Variants in CCDC47 observed in about 807,000 individuals in gnomAD.
CCDC47 encodes coiled-coil domain containing 47.
In CCDC47, 41 loss-of-function variants were observed where a neutral mutation model predicts 60.5. The ratio of observed to expected loss-of-function variants is 0.68; its 90% CI spans 0.53 to 0.88. The LOEUF (loss-of-function observed/expected upper bound fraction) is 0.88. Ranked by LOEUF, CCDC47 falls within the 40% of genes least tolerant of loss-of-function variation. The probability of loss-of-function intolerance (pLI) is 0.00; values close to 1 mark genes in which losing one functional copy is unlikely to be tolerated. For synonymous variants in CCDC47, 195 were observed against 190.7 expected, an observed-to-expected ratio of 1.02 and a Z score of -0.18; for missense variants, 513 against 580.9, an observed-to-expected ratio of 0.88 and a Z score of 1.20.
At chr17:63,749,632 C>G (rs1308999233) in intron 12 of CCDC47, among the ~76,000 whole-genome samples, 1 of 151,668 alleles carries the variant, frequency 6.6e-6, no homozygotes, top group African/African-American at 2.4e-5. Context: ...GCCTGTAGTC[C>G]CAGCTACTAG....
intron 1 of CCDC47, among the ~76,000 whole-genome samples, chr17:63,767,784 C>T (rs758858640): frequency 5.3e-4 from 80 of 152,276 alleles, no homozygotes; most frequent in Admixed American, 5.9e-4. Flanking sequence ...CTGACCCAAT[C>T]CCTGCCTATA....
At chr17:63,768,195 T>C (rs777297161) in intron 1 of CCDC47, among the ~76,000 whole-genome samples, 12 of 152,214 alleles carry the variant, frequency 7.9e-5, no homozygotes, top group Admixed American at 4.6e-4. Flanking sequence ...GATCCTACTG[T>C]AATTAAATGT....
intron 6 of CCDC47, among the ~76,000 whole-genome samples, chr17:63,760,139 A>G (rs929400062): frequency 6.6e-6 from 1 of 152,148 alleles, no homozygotes; most frequent in Admixed American, 6.5e-5. Flanking sequence ...GCAGATAAAC[A>G]TATTGATTTA....
intron 7 of CCDC47, 50 bp from the exon 8 acceptor site, chr17:63,756,400 G>T: frequency 6.3e-7 from 1 of 1,580,024 alleles, no homozygotes; most frequent in Non-Finnish European, 8.7e-7. Flanking sequence ...ATTATGCAAT[G>T]AAGCTGAATA....
intron 6 of CCDC47, among the ~76,000 whole-genome samples, chr17:63,758,086 C>T (rs554022722): frequency 1.3e-5 from 2 of 152,282 alleles, no homozygotes; most frequent in African/African-American, 4.8e-5. Flanking sequence ...AAGCTCCGAA[C>T]GACTCCCAAC....
intron 6 of CCDC47, among the ~76,000 whole-genome samples, chr17:63,757,566 C>T (rs187221917): frequency 2.6e-5 from 4 of 152,116 alleles, no homozygotes; most frequent in East Asian, 3.9e-4. Flanking sequence ...CCTGCAGAAA[C>T]GGTAACATAA....
intron 6 of CCDC47, among the ~76,000 whole-genome samples, chr17:63,758,020 C>T (rs1049986482): frequency 2.0e-5 from 3 of 152,086 alleles, no homozygotes; most frequent in Non-Finnish European, 4.4e-5. Context: ...AGAGAGCTTC[C>T]AAGCTGGTGA....
Position 63,766,105 on chromosome 17 carries a change from T to A in CCDC47, c.71A>T (p.Asp24Val). ...FGSVSEAKFDDFEDEEDIVEY... is the reference protein window; with the variant it reads ...FGSVSEAKFDVFEDEEDIVEY... The stretch of plus-strand genomic sequence containing the variant: ...TACTATGTCCTCCTCATCCTCAAAA[T>A]CATCAAACTTGGCTTCAGAGACACT... Residue 24 changes from aspartate (D) to valine (V), a missense_variant, in exon 2 of 13, where the codon GAT (aspartate) becomes GTT (valine). Transcript: ENST00000225726. 2 of 1,613,734 alleles carry A rather than the reference T, an allele frequency of 1.2e-6. No individual in the cohort carries two copies. The highest frequency in any genetic ancestry group is 1.7e-6 in the Non-Finnish European group (2 of 1,179,942).
intron 8 of CCDC47, 69 bp downstream of exon 8, chr17:63,756,171 T>C: frequency 9.9e-7 from 1 of 1,005,394 alleles, no homozygotes; most frequent in Non-Finnish European, 1.6e-6. Flanking sequence ...ACTTGTACAA[T>C]GAGACTTTTA....
At chr17:63,755,115 A>T (rs978837879) in intron 8 of CCDC47, among the ~76,000 whole-genome samples, 1 of 151,866 alleles carries the variant, frequency 6.6e-6, no homozygotes, top group Non-Finnish European at 1.5e-5. Context: ...GGACTAAAGG[A>T]ACACACAACC....
intron 1 of CCDC47, among the ~76,000 whole-genome samples, chr17:63,772,236 G>C (rs1466293603): frequency 6.8e-6 from 1 of 147,820 alleles, no homozygotes; most frequent in African/African-American, 2.5e-5. Flanking sequence ...TATTACGGGA[G>C]ATATGTACCA....
intron 1 of CCDC47, among the ~76,000 whole-genome samples, chr17:63,771,375 T>C (rs907252689): frequency 2.6e-5 from 4 of 152,192 alleles, no homozygotes; most frequent in Admixed American, 6.5e-5. Context: ...TGAGTATCCA[T>C]GGATTTTGGT....
intron 1 of CCDC47, chr17:63,766,992 G>C (rs2039302677): frequency 1.0e-6 from 1 of 955,664 alleles, no homozygotes; most frequent in Non-Finnish European, 1.2e-6. Flanking sequence ...CTATGTGCTA[G>C]ACACTGTTCC....
In CCDC47 at chr17:63,765,946, T is replaced by C; in HGVS notation, c.230A>G (p.Asn77Ser). Residue 77 changes from asparagine (N) to serine (S), a missense_variant, in exon 2 of 13, where the codon AAC (asparagine) becomes AGC (serine). Physicochemically the swap from Asn to Ser is conservative, Grantham distance 46. Coordinates refer to ENST00000225726, the MANE Select transcript of CCDC47 (RefSeq NM_020198.3). ...TGCATCTTCAAAATCTCCTTCTTGGTTTTCATCCTGCCCTTCCAACTCCAC... is the reference window on the plus strand; with the variant it reads ...TGCATCTTCAAAATCTCCTTCTTGGCTTTCATCCTGCCCTTCCAACTCCAC... ...TTVELEGQDENQEGDFEDADT... is the reference protein window; with the variant it reads ...TTVELEGQDESQEGDFEDADT... The C allele has an allele frequency of 6.2e-7, 1 of 1,613,670 alleles. No homozygotes were observed. The highest frequency in any genetic ancestry group is 8.5e-7 in the Non-Finnish European group (1 of 1,179,832).
chr17:63,755,923 C>CA lies in CCDC47; in HGVS notation c.948+316dup, dbSNP rs59036340. Among the ~76,000 whole-genome samples the CA allele has an allele frequency of 6.6e-3, 647 of 98,328 alleles. 5 individuals carry two copies. Among genetic ancestry groups the CA allele is most frequent in the Middle Eastern group, 0.04 (7 of 174 alleles). 64.5% of individuals were successfully genotyped at this position (98,328 alleles called of 152,430 possible). A position where few individuals can be genotyped will look rare whatever the true frequency, so the allele number is the denominator to read the frequency against. ...CTCTTCTCCCACACAAACTGGAGCT[C>CA]AAAAAAAAAAAAAAAAAAGACTAAA... On this transcript the variant is annotated intron_variant, in intron 8 of 12. Transcript: ENST00000225726.
At chr17:63,755,798 A>C (rs1268435948) in intron 8 of CCDC47, among the ~76,000 whole-genome samples, 1 of 151,974 alleles carries the variant, frequency 6.6e-6, no homozygotes, top group Non-Finnish European at 1.5e-5. Flanking sequence ...TGCTGCAGTG[A>C]GATCTATCAC....
intron 1 of CCDC47, among the ~76,000 whole-genome samples, chr17:63,767,491 A>ACTTT (rs2039305679): frequency 6.6e-6 from 1 of 152,124 alleles, no homozygotes; most frequent in Non-Finnish European, 1.5e-5. Context: ...TGGGGAGACC[A>ACTTT]TTTGAGCTGA....
At position 63,766,197 on chromosome 17, in the gene CCDC47, TAAA is replaced by T. The variant is rs568139326; in HGVS notation, c.-19-6_-19-4del. 3 of 1,573,352 alleles carry T rather than the reference TAAA, an allele frequency of 1.9e-6. No homozygotes were observed. The South Asian group carries it at 3.5e-5, about 19-fold the overall frequency. ...TCATTGCACCTTGAGAAAAAAAGCTTAAAAAAAAAGAGAACCCCAAAATGGATT... is the reference window on the plus strand; with the variant it reads ...TCATTGCACCTTGAGAAAAAAAGCTTAAAAAAGAGAACCCCAAAATGGATT... On this transcript the variant is annotated splice_polypyrimidine_tract_variant and splice_region_variant and intron_variant, in intron 1 of 12. Coordinates refer to ENST00000225726, the MANE Select transcript of CCDC47 (RefSeq NM_020198.3).
At chr17:63,751,885 A>G in intron 12 of CCDC47, 55 bp downstream of exon 12, 1 of 1,585,350 alleles carries the variant, frequency 6.3e-7, no homozygotes, top group Non-Finnish European at 8.7e-7. Context: ...CCAACAGAAC[A>G]CAAGCAGTCA....
Sources: gnomAD v4.1 joint callset for allele counts (sites outside exome capture counted in the v4.1 genomes callset) on GRCh38, gnomAD v4.1.1 for gene constraint, MANE v1.5 for transcripts, NCBI Gene and HGNC (gene_info 2026-07-23, HGNC 2026-07-21) for gene names.